Variants in DRC7 observed in about 807,000 individuals in gnomAD.
DRC7 encodes coiled-coil domain containing 135.
DRC7 carries 80 observed loss-of-function variants against 104.4 expected under a neutral mutation model. The ratio of observed to expected loss-of-function variants is 0.77; its 90% confidence interval spans 0.64 to 0.92. The LOEUF is 0.92. Ranked by LOEUF, DRC7 falls within the 40% of genes least tolerant of loss-of-function variation. The pLI, the probability that DRC7 is intolerant of heterozygous loss-of-function variation, is 0.00. For missense variants in DRC7, 1,034 were observed against 1,141.1 expected (o/e 0.91, Z 1.35); for synonymous variants, 405 against 447.3 (o/e 0.91, Z 1.19).
In DRC7 at chr16:57,706,795, T is replaced by C. The variant is rs149671638; in HGVS notation, c.859-665T>C. ...ATTGTCTCACTCATCCTCCCATCCA[T>C]CCATCCTCCCATCCACCCATCCTCC... On this transcript the variant is annotated intron_variant, in intron 7 of 18. Transcript: ENST00000360716. Among the ~76,000 whole-genome samples the C allele has an allele frequency of 7.3e-3, 961 of 132,100 alleles. 9 individuals are homozygous for C. The highest frequency in any genetic ancestry group is 0.025 in the African/African-American group (876 of 34,966). The allele number at this position is 132,100 out of a possible 152,430, so 86.7% of individuals were successfully genotyped here.
intron 14 of DRC7, 86 bp downstream of exon 14, chr16:57,726,369 G>A: frequency 8.6e-7 from 1 of 1,161,654 alleles, no homozygotes; most frequent in Non-Finnish European, 1.3e-6. Flanking sequence ...GGGAGAACCA[G>A]GATGGGCGCT....
At chr16:57,726,360 G>A in intron 14 of DRC7, 77 bp downstream of exon 14, 1 of 1,270,604 alleles carries the variant, frequency 7.9e-7, no homozygotes, top group Non-Finnish European at 1.1e-6. Context: ...CAGCCACTTG[G>A]GAGAACCAGG....
chr16:57,724,311 A>G (rs955827846), intron 12 of DRC7, among the ~76,000 whole-genome samples: 8 of 96,690 alleles, frequency 8.3e-5, no homozygotes, highest in African/African-American at 3.6e-4. Flanking sequence ...CTGTGTCTCA[A>G]AAAAAAAAAA....
chr16:57,722,651 C>A (rs1175223222), intron 10 of DRC7, 62 bp from the exon 11 acceptor site: 1 of 1,597,660 alleles, frequency 6.3e-7, no homozygotes, highest in Non-Finnish European at 8.5e-7. Context: ...AATGGCTGGG[C>A]GGGGCTGGCC....
In DRC7 at chr16:57,721,566, A is replaced by G. The variant is rs543195939; in HGVS notation, c.1207-101A>G. 1.9e-5 allele frequency: 16 copies of G among 857,242 alleles called. No homozygotes were observed. The East Asian group carries it at 4.0e-4, about 21-fold the overall frequency. 53.1% of individuals were successfully genotyped at this position (857,242 alleles called of 1,614,324 possible). On this transcript the variant is annotated intron_variant, in intron 9 of 18. Coordinates refer to ENST00000360716, the MANE Select transcript of DRC7 (RefSeq NM_001289162.2). ...GTTCCCCTGCGGAAGCCAACGGACC[A>G]CCTTGGCTTGGCTCTGCAGGCAGAG...
intron 12 of DRC7, 113 bp downstream of exon 12, chr16:57,723,243 C>T: frequency 1.5e-6 from 2 of 1,303,798 alleles, no homozygotes; most frequent in Non-Finnish European, 2.1e-6. Flanking sequence ...TACATGGGTT[C>T]TTGGGCAGCA....
At chr16:57,726,570 A>G (rs78126413) in intron 14 of DRC7, 21,992 of 554,610 alleles carry the variant, frequency 0.04, 705 homozygotes, top group Non-Finnish European at 0.047. Flanking sequence ...GTGGGAGGGG[A>G]AGAGTCTCAC....
chr16:57,717,530 C>A (rs1420092306), intron 8 of DRC7, among the ~76,000 whole-genome samples: 1 of 151,804 alleles, frequency 6.6e-6, no homozygotes, highest in African/African-American at 2.4e-5. Flanking sequence ...GAAACCCCAT[C>A]TCTACTAAAA....
chr16:57,722,786 G>A lies in DRC7; in HGVS notation c.1353G>A (p.Pro451=), dbSNP rs535537984. ...YKRAKLEKWA[P]YLNSNGLVSR... ...GGGCAAAGCTGGAGAAGTGGGCCCC[G>A]TACCTCAATAGCAATGGCCTTGTGA... is the stretch of plus-strand genomic sequence containing the variant. Residue 451 remains proline, a synonymous_variant, in exon 11 of 19, where the codon CCG becomes CCA. Transcript: ENST00000360716. 9.9e-6 allele frequency: 16 copies of A among 1,613,794 alleles called. No homozygotes were observed. Among genetic ancestry groups the A allele is most frequent in the African/African-American group, 6.7e-5 (5 of 74,914 alleles).
chr16:57,716,434 C>G (rs2048844519), intron 8 of DRC7, among the ~76,000 whole-genome samples: 1 of 148,256 alleles, frequency 6.7e-6, no homozygotes, highest in Non-Finnish European at 1.5e-5. Context: ...ACCCAGGAGG[C>G]AGAGGTTGCA....
chr16:57,730,281 G>T, intron 17 of DRC7, among the ~76,000 whole-genome samples: 1 of 127,776 alleles, frequency 7.8e-6, no homozygotes. Flanking sequence ...GGATGGATGA[G>T]TGGGTGGGTG....
At chr16:57,697,127 G>T (rs1197209255) in intron 2 of DRC7, among the ~76,000 whole-genome samples, 1 of 151,980 alleles carries the variant, frequency 6.6e-6, no homozygotes, top group East Asian at 1.9e-4. Flanking sequence ...TGGCCAGGCT[G>T]GTCTCGAACT....
intron 8 of DRC7, among the ~76,000 whole-genome samples, chr16:57,717,618 G>A (rs1383711444): frequency 2.0e-5 from 3 of 151,666 alleles, no homozygotes; most frequent in Non-Finnish European, 4.4e-5. Flanking sequence ...AAAATCGCTT[G>A]AACCTGGGAG....
At chr16:57,703,187 C>T (rs866510344) in intron 6 of DRC7, among the ~76,000 whole-genome samples, 2 of 147,060 alleles carry the variant, frequency 1.4e-5, no homozygotes, top group Middle Eastern at 3.2e-3. Flanking sequence ...CCCTCAAGGC[C>T]CCTTTTTAAT....
rs571968073 is a variant in DRC7 at position 57,720,062 on chromosome 16, C to T, written c.1206+1587C>T. On this transcript the variant is annotated intron_variant, in intron 9 of 18. Transcript: ENST00000360716. ...TAGCACTCACATGGTCCTTACTAAGCACTGGGATCCATTGTATCTACTTAA... is the reference window on the plus strand; with the variant it reads ...TAGCACTCACATGGTCCTTACTAAGTACTGGGATCCATTGTATCTACTTAA... 2.6e-5 allele frequency among the ~76,000 whole-genome samples: 4 copies of T among 152,362 alleles called. No individual in the cohort carries two copies. In the South Asian group the frequency reaches 8.3e-4, roughly 32 times the overall value.
chr16:57,718,576 C>G (rs2048869884), intron 9 of DRC7, 101 bp downstream of exon 9: 1 of 1,370,900 alleles, frequency 7.3e-7, no homozygotes, highest in African/African-American at 1.4e-5. Context: ...GGGGATGGCC[C>G]AAGTAGACCA....
Position 57,726,153 on chromosome 16 carries a change from G to T in DRC7, c.1844G>T (p.Arg615Leu). 1 of 1,613,076 alleles carries T rather than the reference G, an allele frequency of 6.2e-7. No homozygotes were observed. The highest frequency in any genetic ancestry group is 2.2e-5 in the East Asian group (1 of 44,884). Residue 615 changes from arginine (R) to leucine (L), a missense_variant, in exon 14 of 19, where the codon CGC (arginine) becomes CTC (leucine). Physicochemically the swap from Arg to Leu is moderately radical, Grantham distance 102. Transcript: ENST00000360716. ...CGCGTGTTTCTGGTCGCGGAGGAGC[G>T]CATCCAGCTGCGCTACCACTGCCGT... ...AERVFLVAEE[R>L]IQLRYHCRED...
chr16:57,705,105 A>G, intron 7 of DRC7, 71 bp downstream of exon 7: 2 of 1,522,294 alleles, frequency 1.3e-6, no homozygotes, highest in Non-Finnish European at 1.8e-6. Flanking sequence ...GAAAAGAGGC[A>G]TAGGTCATGG....
At chr16:57,728,041 C>G (rs770401309) in intron 16 of DRC7, among the ~76,000 whole-genome samples, 1 of 152,190 alleles carries the variant, frequency 6.6e-6, no homozygotes, top group Non-Finnish European at 1.5e-5. Context: ...TAACTAACAT[C>G]GTTAATAACC....
Sources: gnomAD v4.1 joint callset for allele counts (sites outside exome capture counted in the v4.1 genomes callset) on GRCh38, gnomAD v4.1.1 for gene constraint, MANE v1.5 for transcripts, NCBI Gene and HGNC (gene_info 2026-07-23, HGNC 2026-07-21) for gene names.